Variants in HP1BP3 observed in about 807,000 individuals in gnomAD.
HP1BP3 encodes the protein heterochromatin protein 1-binding protein 3.
A neutral mutation model predicts 62.5 loss-of-function variants in HP1BP3; 12 were observed. The observed-to-expected ratio is 0.19, with a 90% CI of 0.12 to 0.31. The LOEUF (loss-of-function observed/expected upper bound fraction) is 0.31. HP1BP3 is among the 10% of genes least tolerant of loss of function. The pLI, the probability that HP1BP3 is intolerant of heterozygous loss-of-function variation, is 1.00. For synonymous variants in HP1BP3, 260 were observed against 237.8 expected (o/e 1.09, Z -0.86); for missense variants, 502 against 651.8 (o/e 0.77, Z 2.50).
rs1289808411 is a variant in HP1BP3 at position 20,768,741 on chromosome 1, A to G, written c.655-1077T>C. ...TGTAATCCCAGCTACTCAGGAGACT[A>G]AGGCAGGAGAATTGCTTGAACACGG... On this transcript the variant is annotated intron_variant, in intron 6 of 12. Transcript: ENST00000438032. Among the ~76,000 whole-genome samples the G allele has an allele frequency of 2.6e-5, 4 of 151,972 alleles. No individual in the cohort carries two copies. The East Asian group carries it at 7.7e-4, about 29-fold the overall frequency.
intron 9 of HP1BP3, among the ~76,000 whole-genome samples, chr1:20,756,870 C>T (rs765182812): frequency 6.6e-6 from 1 of 152,114 alleles, no homozygotes; most frequent in Non-Finnish European, 1.5e-5. Context: ...CATGTGCCCC[C>T]ACGCCCAGCT....
chr1:20,746,502 C>CTTTA (rs2055345396), intron 11 of HP1BP3, among the ~76,000 whole-genome samples: 1 of 152,062 alleles, frequency 6.6e-6, no homozygotes, highest in Non-Finnish European at 1.5e-5. Flanking sequence ...AATAGTCTTG[C>CTTTA]TAAAACAGGG....
intron 10 of HP1BP3, among the ~76,000 whole-genome samples, chr1:20,749,366 C>CTTTTT (rs67026332): frequency 1.6e-4 from 23 of 148,044 alleles, no homozygotes; most frequent in Admixed American, 6.7e-4. Flanking sequence ...CTTTTCTTTT[C>CTTTTT]TTTTTTTTTG....
At chr1:20,745,314 T>A (rs1445820655) in intron 12 of HP1BP3, among the ~76,000 whole-genome samples, 2 of 152,206 alleles carry the variant, frequency 1.3e-5, no homozygotes, top group East Asian at 3.8e-4. Flanking sequence ...TAGGGAAATA[T>A]GTAATTATTT....
chr1:20,773,572 T>C lies in HP1BP3; in HGVS notation c.389A>G (p.Lys130Arg). The C allele has an allele frequency of 6.2e-7, 1 of 1,609,598 alleles. No individual in the cohort carries two copies. The change falls in exon 5 of 13, where the codon AAA (lysine) becomes AGA (arginine). Residue 130 changes from lysine to arginine, a missense_variant. Transcript: ENST00000438032. ...DQSKEKEKKVKKTIPSWATLS... is the reference protein window; with the variant it reads ...DQSKEKEKKVRKTIPSWATLS... ...GGTAGCCCAGGAAGGAATTGTTTTTTTCACTTTCTTCTCCTTTTCTTTAGA... is the reference window on the plus strand; with the variant it reads ...GGTAGCCCAGGAAGGAATTGTTTTTCTCACTTTCTTCTCCTTTTCTTTAGA...
chr1:20,763,623 T>C (rs922083822), intron 8 of HP1BP3, among the ~76,000 whole-genome samples: 30 of 152,230 alleles, frequency 2.0e-4, no homozygotes, highest in Non-Finnish European at 3.2e-4. Context: ...AGAAGTCATC[T>C]CACACAAACA....
At chr1:20,765,038 G>A (rs1380564941) in intron 8 of HP1BP3, among the ~76,000 whole-genome samples, 4 of 151,030 alleles carry the variant, frequency 2.6e-5, no homozygotes, top group Non-Finnish European at 4.4e-5. Context: ...GTGTCGTGGC[G>A]GGTGCCTGTA....
At chr1:20,765,033 G>A (rs1400789697) in intron 8 of HP1BP3, among the ~76,000 whole-genome samples, 4 of 151,778 alleles carry the variant, frequency 2.6e-5, no homozygotes, top group Admixed American at 6.6e-5. Context: ...GCTGGGTGTC[G>A]TGGCGGGTGC....
At chr1:20,747,223 G>T (rs758098075) in intron 11 of HP1BP3, among the ~76,000 whole-genome samples, 3 of 151,606 alleles carry the variant, frequency 2.0e-5, no homozygotes, top group African/African-American at 7.3e-5. Flanking sequence ...GTTGTCCCTT[G>T]AACAACACAG....
intron 1 of HP1BP3, among the ~76,000 whole-genome samples, chr1:20,781,204 A>C (rs2057528884): frequency 6.6e-6 from 1 of 152,098 alleles, no homozygotes; most frequent in African/African-American, 2.4e-5. Flanking sequence ...CTGATCACTA[A>C]CACCCCCTCT....
At chr1:20,782,908 G>GAAAAA (rs1056907677) in intron 1 of HP1BP3, among the ~76,000 whole-genome samples, 5 of 119,914 alleles carry the variant, frequency 4.2e-5, no homozygotes, top group African/African-American at 1.2e-4. Flanking sequence ...TCAAAAAAAA[G>GAAAAA]AAAAAAAAAA....
chr1:20,761,322 T>C (rs1450471934), intron 8 of HP1BP3, among the ~76,000 whole-genome samples: 8 of 152,162 alleles, frequency 5.3e-5, no homozygotes, highest in Non-Finnish European at 1.2e-4. Context: ...ATTACAGGCA[T>C]GAGCCACAGT....
In HP1BP3 at chr1:20,744,813, A is replaced by C. The variant is rs149168651; in HGVS notation, c.1646T>G (p.Phe549Cys). 28 of 1,605,814 alleles carry C rather than the reference A, an allele frequency of 1.7e-5. No individual in the cohort carries two copies. Among genetic ancestry groups the C allele is most frequent in the Non-Finnish European group, 2.3e-5 (27 of 1,177,916 alleles). The change falls in exon 13 of 13, where the codon TTC becomes TGC. Residue 549 changes from phenylalanine (F) to cysteine (C), a missense_variant. By Grantham distance (205) the Phe-to-Cys change is radical. Coordinates refer to ENST00000438032, the MANE Select transcript of HP1BP3 (RefSeq NM_001372052.1). ...CTATAAAATTTACTTTTTCACTCTG[A>C]AAGACTTCTTCATGGTGGATTTGCC... The part of the protein sequence containing the change: ...GKGKSTMKKS[F>C]RVKK
At chr1:20,778,369 T>C (rs1343084437) in intron 3 of HP1BP3, among the ~76,000 whole-genome samples, 1 of 152,250 alleles carries the variant, frequency 6.6e-6, no homozygotes, top group Non-Finnish European at 1.5e-5. Flanking sequence ...CAAAATGGGA[T>C]AGAGAGAAGA....
chr1:20,740,892 T>C lies in HP1BP3; in HGVS notation c.*3905A>G, dbSNP rs145799821. Among the ~76,000 whole-genome samples the C allele has an allele frequency of 1.8e-3, 276 of 152,310 alleles. No individual in the cohort carries two copies. The highest frequency in any genetic ancestry group is 6.3e-3 in the African/African-American group (261 of 41,576). On this transcript the variant is annotated 3_prime_UTR_variant, in exon 13 of 13. Transcript: ENST00000438032. ...TTCTTAAGAAAATAATGCAGCTGAT[T>C]AGGGGTACTGTTTAACCATCTGTAA...
chr1:20,749,332 A>T (rs147651581), intron 10 of HP1BP3, among the ~76,000 whole-genome samples: 312 of 149,356 alleles, frequency 2.1e-3, no homozygotes, highest in Non-Finnish European at 3.3e-3. Context: ...TAATAGCATG[A>T]TCTCTATGAT....
At chr1:20,754,270 G>A (rs1557643702) in intron 9 of HP1BP3, among the ~76,000 whole-genome samples, 1 of 152,008 alleles carries the variant, frequency 6.6e-6, no homozygotes, top group Non-Finnish European at 1.5e-5. Context: ...CATGGAAAAA[G>A]AATAAAATAC....
intron 8 of HP1BP3, among the ~76,000 whole-genome samples, chr1:20,762,381 C>G (rs1389106254): frequency 6.6e-6 from 1 of 151,986 alleles, no homozygotes; most frequent in Non-Finnish European, 1.5e-5. Flanking sequence ...CAACACACTA[C>G]CTTATGTAAG....
intron 9 of HP1BP3, among the ~76,000 whole-genome samples, chr1:20,753,308 G>A (rs1332108711): frequency 1.3e-5 from 2 of 152,142 alleles, no homozygotes; most frequent in African/African-American, 4.8e-5. Flanking sequence ...TTGGTTATGA[G>A]GTAGACAGTA....
Sources: allele counts gnomAD v4.1 joint callset (sites outside exome capture counted in the v4.1 genomes callset), GRCh38; gene constraint gnomAD v4.1.1; transcripts MANE v1.5; gene names NCBI Gene and HGNC (gene_info 2026-07-23, HGNC 2026-07-21).